DLGAP1: variants seen among roughly 807,000 people sequenced by gnomAD.
DLGAP1 encodes disks large-associated protein 1.
A neutral mutation model predicts 90.8 loss-of-function variants in DLGAP1; 11 were observed. That is an observed-to-expected ratio of 0.12 (90% CI 0.08 to 0.20). The LOEUF (loss-of-function observed/expected upper bound fraction) is 0.20, where lower values mean the gene tolerates loss of function less well. Among genes scored for constraint, DLGAP1 ranks in the 10% least tolerant of loss-of-function variants. The pLI is 1.00. For synonymous variants in DLGAP1, 558 were observed against 540.7 expected (o/e 1.03, Z -0.44); for missense variants, 1,050 against 1,333.8 (o/e 0.79, Z 3.31).
At chr18:3,507,049 C>T (rs920696625) in intron 11 of DLGAP1, among the ~76,000 whole-genome samples, 4 of 151,664 alleles carry the variant, frequency 2.6e-5, no homozygotes, top group African/African-American at 4.8e-5. Flanking sequence ...GGAGGGTGTG[C>T]GAATAGCCCT....
intron 8 of DLGAP1, among the ~76,000 whole-genome samples, chr18:3,581,560 G>A (rs1034521171): frequency 2.0e-5 from 3 of 150,506 alleles, no homozygotes; most frequent in South Asian, 2.1e-4. Flanking sequence ...TACTGCTCTC[G>A]TGCCATTTGA....
At chr18:3,916,044 C>T (rs995252833) in intron 3 of DLGAP1, among the ~76,000 whole-genome samples, 2 of 152,150 alleles carry the variant, frequency 1.3e-5, no homozygotes, top group Non-Finnish European at 2.9e-5. Flanking sequence ...ATTATGGTCA[C>T]CCTTGCTCAA....
intron 2 of DLGAP1, among the ~76,000 whole-genome samples, chr18:4,035,338 C>A (rs2074871196): frequency 2.0e-5 from 3 of 151,924 alleles, no homozygotes; most frequent in Admixed American, 6.6e-5. Flanking sequence ...CAGAACAAGA[C>A]CTTGTCTCAA....
chr18:3,509,713 C>G (rs1349326939), intron 10 of DLGAP1, among the ~76,000 whole-genome samples: 1 of 152,168 alleles, frequency 6.6e-6, no homozygotes, highest in African/African-American at 2.4e-5. Context: ...TGGAATAAGC[C>G]TTTCTCAACC....
chr18:4,049,912 GTCCATCCATCCATCCATCCA>G (rs57986910), intron 2 of DLGAP1, among the ~76,000 whole-genome samples: 7 of 148,698 alleles, frequency 4.7e-5, no homozygotes, highest in Non-Finnish European at 6.0e-5. Flanking sequence ...CCATCCAACG[GTCCATCCATCCATCCATCCA>G]TCCATCCATC....
At chr18:3,687,426 G>A (rs1026938386) in intron 7 of DLGAP1, among the ~76,000 whole-genome samples, 12 of 152,102 alleles carry the variant, frequency 7.9e-5, no homozygotes, top group African/African-American at 2.7e-4. Context: ...GTAAGCATAC[G>A]CCAACAACAT....
intron 3 of DLGAP1, among the ~76,000 whole-genome samples, chr18:3,895,277 T>A (rs1407265042): frequency 1.1e-4 from 14 of 129,966 alleles, no homozygotes; most frequent in Non-Finnish European, 1.9e-4. Context: ...CTTGGATGTT[T>A]ATTACACACA....
intron 4 of DLGAP1, among the ~76,000 whole-genome samples, chr18:3,841,431 A>G (rs1435392136): frequency 6.6e-6 from 1 of 152,226 alleles, no homozygotes; most frequent in Non-Finnish European, 1.5e-5. Flanking sequence ...ATTGGAGATC[A>G]GAAGGCAAAT....
intron 5 of DLGAP1, among the ~76,000 whole-genome samples, chr18:3,806,999 G>A (rs1046431217): frequency 5.3e-5 from 8 of 152,174 alleles, no homozygotes; most frequent in African/African-American, 9.7e-5. Flanking sequence ...CTAAGAGTCC[G>A]TCCCTTCTTC....
At chr18:4,442,343 T>C (rs1253926965) in intron 1 of DLGAP1, among the ~76,000 whole-genome samples, 1 of 152,186 alleles carries the variant, frequency 6.6e-6, no homozygotes, top group African/African-American at 2.4e-5. Flanking sequence ...TAAAATGAGA[T>C]TATTTACATA....
intron 1 of DLGAP1, among the ~76,000 whole-genome samples, chr18:4,241,845 AT>A (rs1257076694): frequency 1.3e-5 from 2 of 152,218 alleles, no homozygotes; most frequent in Non-Finnish European, 2.9e-5. Context: ...CTGTTCTAAG[AT>A]TTTTTTCCTT....
At chr18:3,958,108 G>A (rs2073118832) in intron 3 of DLGAP1, among the ~76,000 whole-genome samples, 2 of 152,028 alleles carry the variant, frequency 1.3e-5, no homozygotes, top group South Asian at 4.1e-4. Flanking sequence ...TGGCCAGGCT[G>A]GTCTCGAACT....
rs142192238 is a variant in DLGAP1 at position 3,510,391 on chromosome 18, G to A, written c.2480-1730C>T. On this transcript the variant is annotated intron_variant, in intron 10 of 12. Coordinates refer to ENST00000315677, the MANE Select transcript of DLGAP1 (RefSeq NM_004746.4). ...GATCAGAAACCTCTACCTCTTCTAT[G>A]GGTGTGCCCACTGTGAGAGCCACAC... Among the ~76,000 whole-genome samples, 42 of 152,306 alleles carry A rather than the reference G, an allele frequency of 2.8e-4. 1 individual carries two copies. Among genetic ancestry groups the A allele is most frequent in the African/African-American group, 1.0e-3 (42 of 41,552 alleles).
chr18:3,892,221 A>G (rs931444883), intron 3 of DLGAP1, among the ~76,000 whole-genome samples: 2 of 151,202 alleles, frequency 1.3e-5, no homozygotes, highest in Non-Finnish European at 2.9e-5. Context: ...TTACCTGATT[A>G]TGCCATTCTT....
chr18:3,769,277 A>G (rs2147990748), intron 5 of DLGAP1, among the ~76,000 whole-genome samples: 1 of 152,310 alleles, frequency 6.6e-6, no homozygotes, highest in East Asian at 1.9e-4. Flanking sequence ...ACGAAAAGGG[A>G]TCATTCATAC....
intron 1 of DLGAP1, among the ~76,000 whole-genome samples, chr18:4,360,365 T>C (rs942871092): frequency 5.9e-5 from 9 of 152,092 alleles, no homozygotes; most frequent in African/African-American, 2.2e-4. Context: ...AAAAGGAGTG[T>C]CTAGAACAGA....
At chr18:3,578,597 T>C (rs1322442219) in intron 8 of DLGAP1, among the ~76,000 whole-genome samples, 1 of 151,868 alleles carries the variant, frequency 6.6e-6, no homozygotes, top group African/African-American at 2.4e-5. Flanking sequence ...CCTCGTGATC[T>C]GCCCACCTCA....
At chr18:3,827,347 C>T (rs190650112) in intron 4 of DLGAP1, among the ~76,000 whole-genome samples, 359 of 152,268 alleles carry the variant, frequency 2.4e-3, no homozygotes, top group Non-Finnish European at 2.7e-3. Flanking sequence ...AGGCTTAAAA[C>T]GATCAACAAA....
intron 3 of DLGAP1, among the ~76,000 whole-genome samples, chr18:3,923,907 G>A (rs1249549287): frequency 6.6e-6 from 1 of 152,196 alleles, no homozygotes; most frequent in Non-Finnish European, 1.5e-5. Flanking sequence ...GTATCTTAAA[G>A]GAGATGGTGC....
Sources: allele counts gnomAD v4.1 joint callset (sites outside exome capture counted in the v4.1 genomes callset), GRCh38; gene constraint gnomAD v4.1.1; transcripts MANE v1.5; gene names NCBI Gene and HGNC (gene_info 2026-07-23, HGNC 2026-07-21).